PLSCR5: variants seen among roughly 807,000 people sequenced by gnomAD.
The protein encoded by PLSCR5 is phospholipid scramblase family, member 5.
PLSCR5 carries 44 observed loss-of-function variants against 33.6 expected under a neutral mutation model. That is an observed-to-expected ratio of 1.31 (90% CI 1.03 to 1.69). PLSCR5 has a LOEUF of 1.69. Among genes scored for constraint, PLSCR5 ranks in the 40% most tolerant of loss-of-function variants. The pLI is 0.00. For missense variants in PLSCR5, 375 were observed against 318.7 expected, an observed-to-expected ratio of 1.18 and a Z score of -1.34; for synonymous variants, 148 against 112.3, an observed-to-expected ratio of 1.32 and a Z score of -2.01.
At chr3:146,592,758 A>C (rs779140140) in intron 4 of PLSCR5, among the ~76,000 whole-genome samples, 5 of 152,132 alleles carry the variant, frequency 3.3e-5, no homozygotes, top group Non-Finnish European at 7.4e-5. Context: ...AAATTTTTTT[A>C]AAAGTTACTA....
intron 1 of PLSCR5, among the ~76,000 whole-genome samples, chr3:146,602,407 A>G (rs992327750): frequency 3.3e-5 from 5 of 152,178 alleles, no homozygotes; most frequent in African/African-American, 4.8e-5. Context: ...AAATTATGAT[A>G]TAGGGAAAAC....
chr3:146,583,922 A>G (rs796509178), downstream of PLSCR5, among the ~76,000 whole-genome samples: 5 of 152,312 alleles, frequency 3.3e-5, no homozygotes, highest in African/African-American at 1.2e-4. Flanking sequence ...CTGCTATGAC[A>G]TCAGTTATAA....
downstream of PLSCR5, among the ~76,000 whole-genome samples, chr3:146,581,806 T>G (rs2044634552): frequency 6.6e-6 from 1 of 151,204 alleles, no homozygotes; most frequent in South Asian, 2.1e-4. Context: ...ACACTTTTAT[T>G]GGTCAATTAT....
At chr3:146,597,729 C>T (rs1576823026) in intron 2 of PLSCR5, among the ~76,000 whole-genome samples, 3 of 152,088 alleles carry the variant, frequency 2.0e-5, no homozygotes, top group South Asian at 2.1e-4. Flanking sequence ...TTGAATTATA[C>T]GTTTAGGTGT....
chr3:146,591,604 A>G, intron 5 of PLSCR5, 116 bp downstream of exon 5: 2 of 1,157,976 alleles, frequency 1.7e-6, no homozygotes, highest in Middle Eastern at 2.1e-4. Flanking sequence ...TATTACAAAT[A>G]TGTCATTTTC....
intron 5 of PLSCR5, among the ~76,000 whole-genome samples, 186 bp downstream of exon 5, chr3:146,591,534 T>A (rs1355647902): frequency 6.6e-6 from 1 of 152,080 alleles, no homozygotes; most frequent in African/African-American, 2.4e-5. Context: ...CCTTGGACTT[T>A]ATATCTCTGG....
At chr3:146,589,408 G>T (rs1282691830) in intron 6 of PLSCR5, among the ~76,000 whole-genome samples, 1 of 152,120 alleles carries the variant, frequency 6.6e-6, no homozygotes, top group Non-Finnish European at 1.5e-5. Flanking sequence ...AAGAAATGAT[G>T]AATAGGATGT....
chr3:146,591,854 T>C lies in PLSCR5; in HGVS notation c.481A>G (p.Ile161Val), dbSNP rs2044718719. The C allele has an allele frequency of 1.2e-6, 2 of 1,610,782 alleles. No individual in the cohort carries two copies. Among genetic ancestry groups the C allele is most frequent in the East Asian group, 2.2e-5 (1 of 44,798 alleles). The change falls in exon 5 of 8, where the codon ATA becomes GTA. Residue 161 changes from isoleucine to valine, a missense_variant. Physicochemically the swap from Ile to Val is conservative, Grantham distance 29 (BLOSUM62 3). Transcript: ENST00000443512. ...ELEIQAPPGT[I>V]VGYVTQKWDP... ...CACTTCTGCGTAACGTAACCAACTA[T>C]AGTACCAGGAGGGGCTTGGATTTCT...
At chr3:146,589,459 T>A (rs2044691387) in intron 6 of PLSCR5, 194 bp downstream of exon 6, 1 of 427,418 alleles carries the variant, frequency 2.3e-6, no homozygotes, top group African/African-American at 2.0e-5. Context: ...ATGAGATCAC[T>A]GAAGAGGGGC....
At chr3:146,601,711 A>G (rs1190261799) in intron 1 of PLSCR5, among the ~76,000 whole-genome samples, 5 of 152,142 alleles carry the variant, frequency 3.3e-5, no homozygotes, top group Non-Finnish European at 7.4e-5. Flanking sequence ...GCAAATTACA[A>G]TGTTCTCACT....
intron 1 of PLSCR5, among the ~76,000 whole-genome samples, chr3:146,603,343 G>T (rs1246708655): frequency 6.6e-6 from 1 of 152,052 alleles, no homozygotes; most frequent in South Asian, 2.1e-4. Flanking sequence ...AATTTGACTT[G>T]CCCTCTTAAA....
chr3:146,605,096 A>T, intron 1 of PLSCR5, 104 bp downstream of exon 1: 1 of 1,168,618 alleles, frequency 8.6e-7, no homozygotes, highest in Non-Finnish European at 1.2e-6. Context: ...GTGACAAATG[A>T]CAGCTTTTAA....
intron 4 of PLSCR5, among the ~76,000 whole-genome samples, chr3:146,592,432 C>T (rs2044723960): frequency 1.3e-5 from 2 of 151,980 alleles, no homozygotes; most frequent in Admixed American, 1.3e-4. Flanking sequence ...CCAAAGTGTT[C>T]GAGACTAGTA....
intron 1 of PLSCR5, among the ~76,000 whole-genome samples, chr3:146,600,792 T>G (rs2044807357): frequency 6.7e-6 from 1 of 149,422 alleles, no homozygotes; most frequent in African/African-American, 2.4e-5. Flanking sequence ...TATATATTTA[T>G]ATGCATACAT....
chr3:146,602,630 A>G (rs2044827689), intron 1 of PLSCR5, among the ~76,000 whole-genome samples: 1 of 152,138 alleles, frequency 6.6e-6, no homozygotes, highest in Admixed American at 6.6e-5. Flanking sequence ...ATTAAAAACC[A>G]TGTGTAGGGA....
At position 146,600,277 on chromosome 3, in the gene PLSCR5, G is replaced by T; in HGVS notation, c.189+11C>A. On this transcript the variant is annotated intron_variant, in intron 2 of 7. Transcript: ENST00000443512. Reference sequence around the variant, plus strand: ...TAGAACATATCTGTAGTAATAGAAAGATAAAAACACCTGGCTTAAATATTC... The same window carrying T: ...TAGAACATATCTGTAGTAATAGAAATATAAAAACACCTGGCTTAAATATTC... 1 of 1,540,126 alleles carries T rather than the reference G, an allele frequency of 6.5e-7. No homozygotes were observed. The highest frequency in any genetic ancestry group is 8.8e-7 in the Non-Finnish European group (1 of 1,139,178).
chr3:146,591,741 A>G lies in PLSCR5; in HGVS notation c.594T>C (p.Cys198=). ...GTACCTCAAAATCCACATCGCCAAA[A>G]CAGCCACATGTCACACAAGGACCAA... is the stretch of plus-strand genomic sequence containing the variant. ...KIVGPCVTCG[C]FGDVDFEVKT... is the part of the protein sequence containing the mutation. The change falls in exon 5 of 8, where the codon TGT becomes TGC. Residue 198 remains cysteine (C), a synonymous_variant. Coordinates refer to ENST00000443512, the MANE Select transcript of PLSCR5 (RefSeq NM_001085420.2). 6.2e-7 allele frequency: 1 copy of G among 1,610,832 alleles called. No homozygotes were observed. Among genetic ancestry groups the G allele is most frequent in the Non-Finnish European group, 8.5e-7 (1 of 1,178,472 alleles).
intron 6 of PLSCR5, among the ~76,000 whole-genome samples, chr3:146,587,971 A>G (rs113911695): frequency 6.6e-6 from 1 of 152,218 alleles, no homozygotes; most frequent in African/African-American, 2.4e-5. Context: ...TTTTCCAAAT[A>G]TCATTAGAAG....
Position 146,578,141 on chromosome 3 carries a change from G to A in PLSCR5, c.*45-1416C>T, listed in dbSNP as rs1024452473. 8.5e-5 allele frequency among the ~76,000 whole-genome samples: 13 copies of A among 152,098 alleles called. No individual in the cohort carries two copies. In the East Asian group the frequency reaches 1.2e-3, roughly 14 times the overall value. On this transcript the variant is annotated intron_variant, in intron 7 of 7. Coordinates refer to the PLSCR5 transcript ENST00000482567. ...TGAAGAGGCAATGAAATGGTAGACCGAAACTGCTTTTATGATTTATTGATA... is the reference window on the plus strand; with the variant it reads ...TGAAGAGGCAATGAAATGGTAGACCAAAACTGCTTTTATGATTTATTGATA...
Sources: allele counts gnomAD v4.1 joint callset (sites outside exome capture counted in the v4.1 genomes callset), GRCh38; gene constraint gnomAD v4.1.1; transcripts MANE v1.5; gene names NCBI Gene and HGNC (gene_info 2026-07-23, HGNC 2026-07-21).